LCORL: variants seen among roughly 807,000 people sequenced by gnomAD.
The protein encoded by LCORL is ligand-dependent nuclear receptor corepressor-like protein.
LCORL carries 41 observed loss-of-function variants against 141.8 expected under a neutral mutation model. The ratio of observed to expected loss-of-function variants is 0.29; its 90% CI spans 0.23 to 0.38. The LOEUF is 0.38. Among genes scored for constraint, LCORL ranks in the 10% least tolerant of loss-of-function variants. The pLI is 1.00. For synonymous variants in LCORL, 618 were observed against 694.1 expected (o/e 0.89, Z 1.72); for missense variants, 1,759 against 2,035.0 (o/e 0.86, Z 2.61).
At chr4:18,006,742 T>C (rs1213591423) in intron 1 of LCORL, among the ~76,000 whole-genome samples, 1 of 152,140 alleles carries the variant, frequency 6.6e-6, no homozygotes, top group African/African-American at 2.4e-5. Context: ...ACCCATTCCC[T>C]ATAATTCAAT....
At chr4:17,844,064 G>A (rs1560239351) in exon 8 of LCORL, 1 of 151,896 alleles carries the variant, frequency 6.6e-6, no homozygotes, top group Non-Finnish European at 1.5e-5. Context: ...TCCTGGATTA[G>A]GGAGGTGTCA....
intron 7 of LCORL, among the ~76,000 whole-genome samples, chr4:17,860,658 C>A (rs993949672): frequency 4.6e-5 from 7 of 152,274 alleles, no homozygotes; most frequent in Non-Finnish European, 8.8e-5. Flanking sequence ...AGCATTAATT[C>A]AAAAGTCCAC....
chr4:17,930,395 A>G (rs148948133), intron 4 of LCORL, among the ~76,000 whole-genome samples: 2 of 152,332 alleles, frequency 1.3e-5, no homozygotes, highest in African/African-American at 4.8e-5. Context: ...CAAAACTTCA[A>G]TACAGTGTTA....
exon 7 of LCORL, chr4:17,875,088 G>A (rs909531341): frequency 1.6e-6 from 2 of 1,233,546 alleles, no homozygotes; most frequent in Non-Finnish European, 2.0e-6. Context: ...ATCCATTTGA[G>A]TGCACTGTTG....
exon 7 of LCORL, chr4:17,877,904 T>C: frequency 1.6e-6 from 2 of 1,230,710 alleles, no homozygotes; most frequent in Non-Finnish European, 2.0e-6. Context: ...TAATACAGAC[T>C]GGCAGAGGTT....
chr4:17,980,038 G>A (rs557382940), intron 1 of LCORL, among the ~76,000 whole-genome samples: 40 of 152,262 alleles, frequency 2.6e-4, no homozygotes, highest in African/African-American at 9.1e-4. Context: ...TTTGATTCTG[G>A]CCTAGAGCTT....
chr4:18,021,557 C>G lies in LCORL; in HGVS notation c.154+41G>C. 6.7e-7 allele frequency: 1 copy of G among 1,494,254 alleles called. No individual in the cohort carries two copies. The highest frequency in any genetic ancestry group is 8.9e-7 in the Non-Finnish European group (1 of 1,119,050). The allele number at this position is 1,494,254 out of a possible 1,614,324, so 92.6% of individuals were successfully genotyped here. A position where few individuals can be genotyped will look rare whatever the true frequency, so the allele number is the denominator to read the frequency against. Reference sequence around the variant, plus strand: ...AAACTCCTCGGGCTGCGACAGCGGTCGCCGCGCGGAGCCCGGGGCCCCGGC... The same window carrying G: ...AAACTCCTCGGGCTGCGACAGCGGTGGCCGCGCGGAGCCCGGGGCCCCGGC... On this transcript the variant is annotated intron_variant, in intron 1 of 7. Coordinates refer to ENST00000635767, the Ensembl canonical transcript of LCORL. This position sits in a 1 kb window ranked among gnomAD's most constrained non-coding sequence, Gnocchi z 5.5.
chr4:17,882,614 T>A, intron 6 of LCORL: 1 of 984,568 alleles, frequency 1.0e-6, no homozygotes, highest in Non-Finnish European at 1.2e-6. Context: ...CTGAACAAAC[T>A]GCAAATTTGG....
At chr4:17,932,226 T>C (rs1047385296) in intron 4 of LCORL, among the ~76,000 whole-genome samples, 1 of 152,180 alleles carries the variant, frequency 6.6e-6, no homozygotes, top group Admixed American at 6.5e-5. Flanking sequence ...ATTCTGGACA[T>C]CTGTTTAACA....
intron 5 of LCORL, among the ~76,000 whole-genome samples, chr4:17,896,202 G>T (rs1729894487): frequency 6.6e-6 from 1 of 152,070 alleles, no homozygotes; most frequent in African/African-American, 2.4e-5. Flanking sequence ...AACACTTCTT[G>T]TATCTTTTAG....
At chr4:17,955,017 C>T (rs1712306891) in intron 4 of LCORL, among the ~76,000 whole-genome samples, 1 of 152,092 alleles carries the variant, frequency 6.6e-6, no homozygotes, top group East Asian at 1.9e-4. Flanking sequence ...TCAGCACACA[C>T]ATGATAATTA....
intron 4 of LCORL, among the ~76,000 whole-genome samples, chr4:17,938,003 C>CT (rs201471488): frequency 0.088 from 11,538 of 131,524 alleles, 746 homozygotes; most frequent in East Asian, 0.21. Flanking sequence ...TAAACAATTT[C>CT]TTTTTTTTTT....
intron 4 of LCORL, among the ~76,000 whole-genome samples, chr4:17,937,556 T>G (rs1195721483): frequency 2.6e-5 from 4 of 152,218 alleles, no homozygotes; most frequent in Non-Finnish European, 5.9e-5. Flanking sequence ...CGAAACCTCC[T>G]GTGATGAAGG....
At chr4:17,941,293 ACATATACACTATATG>A (rs1737911353) in intron 4 of LCORL, among the ~76,000 whole-genome samples, 2 of 152,202 alleles carry the variant, frequency 1.3e-5, no homozygotes, top group African/African-American at 4.8e-5. Flanking sequence ...CTATATATGC[ACATATACACTATATG>A]CATATATACT....
At chr4:17,971,861 T>C (rs1716017134) in intron 2 of LCORL, among the ~76,000 whole-genome samples, 1 of 151,618 alleles carries the variant, frequency 6.6e-6, no homozygotes, top group Non-Finnish European at 1.5e-5. Context: ...TATTTAAAAT[T>C]TATATTAAGA....
In LCORL at chr4:17,981,580, T is replaced by TAA. The variant is rs760749649; in HGVS notation, c.155-8697_155-8696dup. On this transcript the variant is annotated intron_variant, in intron 1 of 7. Transcript: ENST00000635767. ...TGGTGAAATCTCATCTCTCTCTCTA[T>TAA]AAAAAAAATTAGCTGGGGGTGGTGG... 5.9e-5 allele frequency among the ~76,000 whole-genome samples: 9 copies of TAA among 151,688 alleles called. No homozygotes were observed. In the East Asian group the frequency reaches 1.6e-3, roughly 26 times the overall value.
At chr4:17,881,803 A>G (rs2109205679) in intron 6 of LCORL, 1 of 982,986 alleles carries the variant, frequency 1.0e-6, no homozygotes, top group Admixed American at 6.2e-5. Context: ...AAAGAGGTCA[A>G]TAAAATTGTT....
chr4:17,847,144 T>G (rs1723032392), intron 7 of LCORL, among the ~76,000 whole-genome samples: 1 of 152,194 alleles, frequency 6.6e-6, no homozygotes, highest in Admixed American at 6.5e-5. Flanking sequence ...TTACTTATAG[T>G]CCACATATTC....
Position 17,875,976 on chromosome 4 carries a change from G to GT in LCORL, c.3013dup (p.Thr1005AsnfsTer5). The stretch of plus-strand genomic sequence containing the variant: ...ATTTGAGATATCCTCATTTGTTTCT[G>GT]TTTTTTCTTCAGTTACGTGATGGGT... On this transcript the variant is annotated frameshift_variant, in exon 7 of 8. Coordinates refer to ENST00000635767, the Ensembl canonical transcript of LCORL. LOFTEE classifies it high-confidence loss of function. 1 of 1,231,086 alleles carries GT rather than the reference G, an allele frequency of 8.1e-7. No homozygotes were observed. Among genetic ancestry groups the GT allele is most frequent in the Non-Finnish European group, 1.0e-6 (1 of 987,240 alleles). The allele number at this position is 1,231,086 out of a possible 1,614,324, so 76.3% of individuals were successfully genotyped here. A position where few individuals can be genotyped will look rare whatever the true frequency, so the allele number is the denominator to read the frequency against.
Sources: allele counts gnomAD v4.1 joint callset (sites outside exome capture counted in the v4.1 genomes callset), GRCh38; gene constraint gnomAD v4.1.1; non-coding constraint Gnocchi (gnomAD v3.1); transcripts MANE v1.5; gene names NCBI Gene and HGNC (gene_info 2026-07-23, HGNC 2026-07-21).